The following KIAA1328 variants were observed in gnomAD, a reference collection of about 807,000 sequenced individuals.
KIAA1328 encodes protein hinderin.
In KIAA1328, 52 loss-of-function variants were observed where a neutral mutation model predicts 68.1. That is an observed-to-expected ratio of 0.76 (90% CI 0.61 to 0.96). KIAA1328 has a LOEUF of 0.96. Ranked by LOEUF, KIAA1328 falls within the 40% of genes least tolerant of loss-of-function variation. The pLI is 0.00. For missense variants in KIAA1328, 641 were observed against 677.6 expected (o/e 0.95, Z 0.60); for synonymous variants, 232 against 239.4 (o/e 0.97, Z 0.28).
At chr18:37,142,980 A>T (rs561555185) in intron 7 of KIAA1328, among the ~76,000 whole-genome samples, 3 of 148,418 alleles carry the variant, frequency 2.0e-5, no homozygotes, top group African/African-American at 7.4e-5. Context: ...TTTAAGGCAG[A>T]GTCTTGCTCT....
At chr18:36,863,650 A>G (rs994577324) in intron 4 of KIAA1328, among the ~76,000 whole-genome samples, 1 of 152,154 alleles carries the variant, frequency 6.6e-6, no homozygotes. Flanking sequence ...ATCTATGAAC[A>G]TGGTATGTTG....
At chr18:37,063,995 A>G (rs2056251408) in intron 6 of KIAA1328, among the ~76,000 whole-genome samples, 1 of 152,178 alleles carries the variant, frequency 6.6e-6, no homozygotes, top group African/African-American at 2.4e-5. Context: ...CATACTAAGT[A>G]GCAGGTGATA....
intron 5 of KIAA1328, among the ~76,000 whole-genome samples, chr18:36,913,479 T>TACACACACAC (rs10582262): frequency 0.027 from 2,480 of 91,406 alleles, 71 homozygotes; most frequent in Non-Finnish European, 0.037. Flanking sequence ...ATTACAACCT[T>TACACACACAC]ACACACACAC....
chr18:37,056,555 A>G (rs1483085271), intron 6 of KIAA1328, among the ~76,000 whole-genome samples: 1 of 152,168 alleles, frequency 6.6e-6, no homozygotes, highest in African/African-American at 2.4e-5. Flanking sequence ...TCTTTGTTTT[A>G]TGCTGTGGAT....
At chr18:37,060,766 C>A (rs530644944) in intron 6 of KIAA1328, among the ~76,000 whole-genome samples, 7 of 152,262 alleles carry the variant, frequency 4.6e-5, no homozygotes, top group African/African-American at 1.7e-4. Flanking sequence ...TAACTAGATA[C>A]AATTTTATAT....
At chr18:36,987,731 G>A (rs1435940580) in intron 6 of KIAA1328, among the ~76,000 whole-genome samples, 1 of 151,916 alleles carries the variant, frequency 6.6e-6, no homozygotes, top group African/African-American at 2.4e-5. Flanking sequence ...CTGTGGTGAT[G>A]GTTCCTGGAT....
intron 7 of KIAA1328, among the ~76,000 whole-genome samples, chr18:37,092,325 C>T (rs940022602): frequency 2.6e-5 from 4 of 152,030 alleles, no homozygotes; most frequent in African/African-American, 9.7e-5. Context: ...CCCCATCTAC[C>T]ACCGTTGCCA....
chr18:37,097,345 T>G (rs572064862), intron 7 of KIAA1328, among the ~76,000 whole-genome samples: 3 of 152,304 alleles, frequency 2.0e-5, no homozygotes, highest in Non-Finnish European at 2.9e-5. Flanking sequence ...TTTCTCCATT[T>G]CTTGTTTTTG....
intron 5 of KIAA1328, among the ~76,000 whole-genome samples, chr18:36,925,778 A>G (rs1160973031): frequency 6.6e-6 from 1 of 151,876 alleles, no homozygotes; most frequent in Non-Finnish European, 1.5e-5. Context: ...GCCACAAGTG[A>G]TCCTTCCACC....
At chr18:36,939,827 T>C (rs1273323914) in intron 5 of KIAA1328, among the ~76,000 whole-genome samples, 1 of 152,176 alleles carries the variant, frequency 6.6e-6, no homozygotes, top group East Asian at 1.9e-4. Context: ...CAAATGCCTT[T>C]TCTACATCTA....
chr18:36,852,548 A>G (rs980519261), intron 4 of KIAA1328, among the ~76,000 whole-genome samples: 12 of 152,142 alleles, frequency 7.9e-5, no homozygotes, highest in African/African-American at 2.7e-4. Flanking sequence ...CCTGTGTTCA[A>G]TCAAGCAGCT....
chr18:37,037,821 G>T (rs1388635922), intron 6 of KIAA1328, among the ~76,000 whole-genome samples: 1 of 152,014 alleles, frequency 6.6e-6, no homozygotes. Context: ...GGGAAGATGG[G>T]CCAGGCACTG....
chr18:36,862,580 T>C (rs2047600998), intron 4 of KIAA1328, among the ~76,000 whole-genome samples: 1 of 152,224 alleles, frequency 6.6e-6, no homozygotes, highest in Admixed American at 6.5e-5. Context: ...GATAGAGATG[T>C]ACTGCAGTTT....
intron 5 of KIAA1328, among the ~76,000 whole-genome samples, chr18:36,910,652 C>T (rs1002809088): frequency 6.6e-6 from 1 of 152,004 alleles, no homozygotes; most frequent in African/African-American, 2.4e-5. Context: ...TTTTCTAATT[C>T]TGTGAAGAAA....
chr18:37,088,897 A>G (rs1006334005), intron 7 of KIAA1328, among the ~76,000 whole-genome samples: 9 of 152,072 alleles, frequency 5.9e-5, no homozygotes, highest in Non-Finnish European at 1.0e-4. Context: ...GTCATTTTTC[A>G]TTTTTTATTC....
chr18:37,150,664 A>C (rs2059008941), intron 7 of KIAA1328, among the ~76,000 whole-genome samples: 1 of 152,154 alleles, frequency 6.6e-6, no homozygotes, highest in African/African-American at 2.4e-5. Flanking sequence ...GCTTGACTAA[A>C]TAGGCTTAAC....
Position 37,172,996 on chromosome 18 carries a change from G to A in KIAA1328, c.1438G>A (p.Asp480Asn). The A allele has an allele frequency of 6.2e-7, 1 of 1,613,156 alleles. No homozygotes were observed. Among genetic ancestry groups the A allele is most frequent in the Non-Finnish European group, 8.5e-7 (1 of 1,179,432 alleles). ...AGGGACAGTGACAGGAGTTAGAAAA[G>A]ATGCGTCTACATCTCCTATGCCAAC... ...QRGTVTGVRK[D>N]ASTSPMPTGS... The change falls in exon 9 of 10, where the codon GAT becomes AAT. Residue 480 changes from aspartate to asparagine, a missense_variant. Transcript: ENST00000280020.
intron 5 of KIAA1328, chr18:36,924,964 T>G (rs1319461132): frequency 6.6e-6 from 1 of 152,144 alleles, no homozygotes; most frequent in Non-Finnish European, 1.5e-5. Context: ...CCAAGCAAAT[T>G]CAGACCTTCA....
intron 9 of KIAA1328, among the ~76,000 whole-genome samples, chr18:37,188,455 A>G (rs2059843954): frequency 6.6e-6 from 1 of 152,206 alleles, no homozygotes; most frequent in Non-Finnish European, 1.5e-5. Flanking sequence ...CAAATGAACA[A>G]GATAATTAGT....
Sources: allele counts gnomAD v4.1 joint callset (sites outside exome capture counted in the v4.1 genomes callset), GRCh38; gene constraint gnomAD v4.1.1; transcripts MANE v1.5; gene names NCBI Gene and HGNC (gene_info 2026-07-23, HGNC 2026-07-21).